TTLL12: variants seen among roughly 807,000 people sequenced by gnomAD.
The protein encoded by TTLL12 is tubulin--tyrosine ligase-like protein 12.
A neutral mutation model predicts 79.6 loss-of-function variants in TTLL12; 77 were observed. The observed-to-expected ratio is 0.97, with a 90% CI of 0.81 to 1.17. TTLL12 has a LOEUF of 1.17. Among genes scored for constraint, TTLL12 ranks in the 50% most tolerant of loss-of-function variants. TTLL12 has a pLI of 0.00. For missense variants in TTLL12, 969 were observed against 895.9 expected, an observed-to-expected ratio of 1.08 and a Z score of -1.04; for synonymous variants, 437 against 376.1, an observed-to-expected ratio of 1.16 and a Z score of -1.87.
rs1000741086 is a variant in TTLL12, at chr22:43,186,905, C to G, written c.165G>C (p.Lys55Asn). Reference protein sequence around the residue: ...PERYWGRLLHKLEHEVFDAGE... With the variant: ...PERYWGRLLHNLEHEVFDAGE... ...CCCTTCCCCGCACCTCGTGCTCCAG[C>G]TTGTGCAGGAGGCGGCCCCAGTAAC... is the stretch of plus-strand genomic sequence containing the variant. Residue 55 changes from lysine to asparagine, a missense_variant, in exon 1 of 14, where the codon AAG becomes AAC. Lys to Asn is a moderately conservative substitution (Grantham distance 94). Transcript: ENST00000216129. 19 of 1,333,054 alleles carry G rather than the reference C, an allele frequency of 1.4e-5. No homozygotes were observed. Among genetic ancestry groups the G allele is most frequent in the Non-Finnish European group, 1.8e-5 (19 of 1,040,968 alleles). 82.6% of individuals were successfully genotyped at this position (1,333,054 alleles called of 1,614,324 possible). A position where few individuals can be genotyped will look rare whatever the true frequency, so the allele number is the denominator to read the frequency against.
rs371286274 is a variant in TTLL12 at position 43,182,991 on chromosome 22, G to A, written c.336C>T (p.Ala112=). The A allele has an allele frequency of 2.9e-5, 47 of 1,613,350 alleles. No individual in the cohort carries two copies. Among genetic ancestry groups the A allele is most frequent in the Non-Finnish European group, 3.9e-5 (46 of 1,179,638 alleles). Reference sequence around the variant, plus strand: ...GGCCAGGCTCCTACCTGTTGGGGTGGGCTGCCTGGAGCCCGCTCTCCCTGG... The same window carrying A: ...GGCCAGGCTCCTACCTGTTGGGGTGAGCTGCCTGGAGCCCGCTCTCCCTGG... ...IVTRESGLQA[A]HPNSIFLIDH... is the part of the protein sequence containing the mutation. The change falls in exon 2 of 14, where the codon GCC becomes GCT. Residue 112 remains alanine (A), a synonymous_variant. Transcript: ENST00000216129.
intron 6 of TTLL12, chr22:43,175,518 G>A (rs1408412814): frequency 6.6e-6 from 1 of 152,276 alleles, no homozygotes; most frequent in East Asian, 1.9e-4. Flanking sequence ...GCAGCCCCAT[G>A]ACATGCAAGG....
Position 43,173,880 on chromosome 22 carries a change from G to A in TTLL12, c.1230-54C>T, listed in dbSNP as rs1367223627. 1.1e-5 allele frequency: 17 copies of A among 1,527,246 alleles called. No homozygotes were observed. In the East Asian group the frequency reaches 3.7e-4, roughly 33 times the overall value. The allele number at this position is 1,527,246 out of a possible 1,614,324, so 94.6% of individuals were successfully genotyped here. On this transcript the variant is annotated intron_variant, in intron 8 of 13. Transcript: ENST00000216129. ...CGCCTGGGGCCTGTGTTCCCAGATG[G>A]TGCCACCCCAGGACCCAGAGGCAGA...
At position 43,174,365 on chromosome 22, in the gene TTLL12, T is replaced by C. The variant is rs771144867; in HGVS notation, c.1073A>G (p.Gln358Arg). 1 of 1,585,562 alleles carries C rather than the reference T, an allele frequency of 6.3e-7. No individual in the cohort carries two copies. Among genetic ancestry groups the C allele is most frequent in the Non-Finnish European group, 8.6e-7 (1 of 1,162,122 alleles). The part of the protein sequence containing the change: ...SQERPGVLLN[Q>R]FPCENLLTVK... ...AGTCAGCAGGTTCTCGCAGGGGAAC[T>C]GGTTCAGCAGCACGCCTGGCCTCTC... Residue 358 changes from glutamine (Q) to arginine (R), a missense_variant, in exon 8 of 14, where the codon CAG becomes CGG. Coordinates refer to ENST00000216129, the MANE Select transcript of TTLL12 (RefSeq NM_015140.4).
intron 11 of TTLL12, chr22:43,170,015 TG>T: frequency 2.6e-6 from 1 of 379,978 alleles, no homozygotes; most frequent in Non-Finnish European, 5.2e-6. Context: ...AGCTCAAGAG[TG>T]CTTGAGGGAT....
chr22:43,167,514 C>G lies in TTLL12; in HGVS notation c.*494G>C, dbSNP rs1013535179. On this transcript the variant is annotated 3_prime_UTR_variant, in exon 14 of 14. Transcript: ENST00000216129. ...TGCAGTGTGGGGCCCCACAGCCGTC[C>G]CGGGGTCGTCCTGATGCATAAGAGC... is the stretch of plus-strand genomic sequence containing the variant. 4.8e-6 allele frequency: 1 copy of G among 208,022 alleles called. No homozygotes were observed. Among genetic ancestry groups the G allele is most frequent in the Non-Finnish European group, 9.9e-6 (1 of 100,876 alleles). 12.9% of individuals were successfully genotyped at this position (208,022 alleles called of 1,614,324 possible). A position where few individuals can be genotyped will look rare whatever the true frequency, so the allele number is the denominator to read the frequency against.
At chr22:43,186,194 C>CCCCT (rs1555982117) in intron 1 of TTLL12, among the ~76,000 whole-genome samples, 1 of 147,464 alleles carries the variant, frequency 6.8e-6, no homozygotes, top group Non-Finnish European at 1.5e-5. Flanking sequence ...AAAACACCCC[C>CCCCT]CCCCCCGCCA....
chr22:43,174,484 C>T lies in TTLL12; in HGVS notation c.1034+15G>A, dbSNP rs764076897. On this transcript the variant is annotated intron_variant, in intron 7 of 13. Coordinates refer to ENST00000216129, the MANE Select transcript of TTLL12 (RefSeq NM_015140.4). ...CCCTGACTGGGAGGGCCCCTGCGGC[C>T]AGAGGTGCCCTCACCTGTAGTCCTT... 4.4e-6 allele frequency: 7 copies of T among 1,593,966 alleles called. No individual in the cohort carries two copies. In the African/African-American group the frequency reaches 5.4e-5, roughly 12 times the overall value.
In TTLL12 at chr22:43,186,874, C is replaced by A; in HGVS notation, c.177+19G>T. ...CTCCCACCCCGGCCGCCGCACGTGC[C>A]CGCCGCCCTTCCCCGCACCTCGTGC... On this transcript the variant is annotated intron_variant, in intron 1 of 13. Coordinates refer to ENST00000216129, the MANE Select transcript of TTLL12 (RefSeq NM_015140.4). The A allele has an allele frequency of 7.9e-7, 1 of 1,266,238 alleles. No individual in the cohort carries two copies. Among genetic ancestry groups the A allele is most frequent in the Non-Finnish European group, 9.9e-7 (1 of 1,006,886 alleles). 78.4% of individuals were successfully genotyped at this position (1,266,238 alleles called of 1,614,324 possible).
At chr22:43,182,413 C>T (rs565199116) in intron 2 of TTLL12, among the ~76,000 whole-genome samples, 27 of 152,334 alleles carry the variant, frequency 1.8e-4, no homozygotes, top group Non-Finnish European at 4.0e-4. Flanking sequence ...CACAGGGGCC[C>T]AGCAAGTTTC....
chr22:43,176,117 G>A (rs550474198), intron 6 of TTLL12, among the ~76,000 whole-genome samples: 156 of 151,790 alleles, frequency 1.0e-3, no homozygotes, highest in African/African-American at 3.4e-3. Context: ...AGCCCTGCTC[G>A]CTCTCTCACT....
rs1931791347 is a variant in TTLL12 at position 43,172,478 on chromosome 22, T to C, written c.1418A>G (p.Tyr473Cys). The C allele has an allele frequency of 1.2e-6, 2 of 1,613,998 alleles. No homozygotes were observed. Among genetic ancestry groups the C allele is most frequent in the Admixed American group, 1.7e-5 (1 of 59,988 alleles). The change falls in exon 10 of 14, where the codon TAC becomes TGC. Residue 473 changes from tyrosine (Y) to cysteine (C), a missense_variant. Coordinates refer to ENST00000216129, the MANE Select transcript of TTLL12 (RefSeq NM_015140.4). ...CCTCACTGACCGCAGCAGCACGATG[T>C]AGCGGATGTCGAACTTGACCTTTCC... ...DVGKVKFDIRYIVLLRSVRPL... is the reference protein window; with the variant it reads ...DVGKVKFDIRCIVLLRSVRPL...
chr22:43,174,111 G>C (rs1427167796), intron 8 of TTLL12, 98 bp downstream of exon 8: 12 of 1,452,638 alleles, frequency 8.3e-6, no homozygotes, highest in South Asian at 1.3e-5. Context: ...CCTGCACCAC[G>C]GTTTCCACAG....
At chr22:43,171,587 C>T (rs1238422675) in intron 11 of TTLL12, 2 of 502,318 alleles carry the variant, frequency 4.0e-6, no homozygotes, top group Non-Finnish European at 7.3e-6. Flanking sequence ...CACATTATCT[C>T]AAACACAGCC....
intron 2 of TTLL12, among the ~76,000 whole-genome samples, chr22:43,182,287 T>C (rs1371529714): frequency 6.6e-6 from 1 of 152,066 alleles, no homozygotes; most frequent in Non-Finnish European, 1.5e-5. Flanking sequence ...TGGGCGGGGG[T>C]GCTGGGCTGT....
intron 6 of TTLL12, 142 bp downstream of exon 6, chr22:43,176,178 C>A (rs748051089): frequency 4.5e-6 from 3 of 661,034 alleles, no homozygotes; most frequent in Non-Finnish European, 8.2e-6. Context: ...CTGCACGTGT[C>A]ACTGCTGTGC....
In TTLL12 at chr22:43,183,153, G is replaced by C. The variant is rs1199428898; in HGVS notation, c.178-4C>G. The C allele has an allele frequency of 2.5e-6, 4 of 1,613,546 alleles. No homozygotes were observed. Among genetic ancestry groups the C allele is most frequent in the Admixed American group, 3.3e-5 (2 of 59,988 alleles). On this transcript the variant is annotated splice_region_variant and splice_polypyrimidine_tract_variant and intron_variant, in intron 1 of 13. Coordinates refer to ENST00000216129, the MANE Select transcript of TTLL12 (RefSeq NM_015140.4). ...ACACTTCCCCAGCGTCGAAAACCTG[G>C]GGGCCAGAGTTCCCGTCAGCAGGGG...
chr22:43,170,800 C>T (rs1018111746), intron 11 of TTLL12, among the ~76,000 whole-genome samples: 9 of 152,164 alleles, frequency 5.9e-5, no homozygotes, highest in African/African-American at 1.9e-4. Flanking sequence ...GTAGTCCCAG[C>T]TACTTTAGGG....
chr22:43,181,054 T>A, intron 2 of TTLL12, 114 bp from the exon 3 acceptor site: 1 of 1,212,670 alleles, frequency 8.2e-7, no homozygotes, highest in Non-Finnish European at 1.1e-6. Context: ...TCCTTAGATT[T>A]GGTCTACTGG....
Sources: gnomAD v4.1 joint callset for allele counts (sites outside exome capture counted in the v4.1 genomes callset) on GRCh38, gnomAD v4.1.1 for gene constraint, MANE v1.5 for transcripts, NCBI Gene and HGNC (gene_info 2026-07-23, HGNC 2026-07-21) for gene names.